Variants in SFMBT2 observed in about 807,000 individuals in gnomAD.
The protein encoded by SFMBT2 is scm-like with four MBT domains protein 2.
SFMBT2 carries 38 observed loss-of-function variants against 110.1 expected under a neutral mutation model. The observed-to-expected ratio is 0.35, with a 90% CI of 0.27 to 0.45. The LOEUF is 0.45. Ranked by LOEUF, SFMBT2 falls within the 20% of genes least tolerant of loss-of-function variation. SFMBT2 has a pLI of 1.00. For missense variants in SFMBT2, 1,011 were observed against 1,094.9 expected, an observed-to-expected ratio of 0.92 and a Z score of 1.08; for synonymous variants, 425 against 425.4, an observed-to-expected ratio of 1.00 and a Z score of 0.01.
At chr10:7,268,878 T>G (rs1332296630) in intron 7 of SFMBT2, among the ~76,000 whole-genome samples, 1 of 152,202 alleles carries the variant, frequency 6.6e-6, no homozygotes, top group Non-Finnish European at 1.5e-5. Context: ...TTCCAAAAGC[T>G]GAGACTCACC....
At chr10:7,277,991 T>C (rs1055937863) in intron 6 of SFMBT2, among the ~76,000 whole-genome samples, 1 of 152,216 alleles carries the variant, frequency 6.6e-6, no homozygotes, top group Non-Finnish European at 1.5e-5. Flanking sequence ...TCAGTCATAA[T>C]TACAGTAAGT....
intron 4 of SFMBT2, among the ~76,000 whole-genome samples, chr10:7,358,121 AT>A (rs74587007): frequency 0.52 from 76,655 of 148,714 alleles, 20,252 homozygotes; most frequent in East Asian, 0.73. Flanking sequence ...GCCCTAGAAC[AT>A]CTGCATGGCC....
chr10:7,268,122 G>A (rs548625140), intron 7 of SFMBT2, among the ~76,000 whole-genome samples: 5 of 152,256 alleles, frequency 3.3e-5, no homozygotes, highest in South Asian at 2.1e-4. Context: ...ATGGAGGCTC[G>A]TAAATGTCAG....
At chr10:7,279,252 T>A (rs1237320734) in intron 6 of SFMBT2, among the ~76,000 whole-genome samples, 1 of 152,130 alleles carries the variant, frequency 6.6e-6, no homozygotes, top group Non-Finnish European at 1.5e-5. Flanking sequence ...AAGTCATCCC[T>A]GAAAAATGAA....
intron 4 of SFMBT2, among the ~76,000 whole-genome samples, chr10:7,365,092 T>C (rs868120197): frequency 2.6e-4 from 40 of 152,204 alleles, no homozygotes; most frequent in Admixed American, 7.2e-4. Flanking sequence ...GTGAATCAGA[T>C]GTTACCAAAA....
intron 4 of SFMBT2, among the ~76,000 whole-genome samples, chr10:7,333,790 TTCTC>T (rs1259928767): frequency 6.7e-6 from 1 of 150,218 alleles, no homozygotes; most frequent in East Asian, 2.0e-4. Context: ...CCTCCCCGCT[TTCTC>T]TCTCCCCCAC....
chr10:7,282,633 A>C (rs577552185), intron 6 of SFMBT2, among the ~76,000 whole-genome samples: 1 of 152,360 alleles, frequency 6.6e-6, no homozygotes, highest in East Asian at 1.9e-4. Flanking sequence ...CTAATAAAAT[A>C]CCACATTACG....
intron 4 of SFMBT2, among the ~76,000 whole-genome samples, chr10:7,290,415 C>T (rs527945735): frequency 6.6e-6 from 1 of 152,234 alleles, no homozygotes; most frequent in African/African-American, 2.4e-5. Context: ...GTGCCCACAT[C>T]ACAGTGAAGG....
intron 20 of SFMBT2, among the ~76,000 whole-genome samples, chr10:7,165,028 G>T (rs1837660491): frequency 6.6e-6 from 1 of 152,058 alleles, no homozygotes; most frequent in South Asian, 2.1e-4. Context: ...TAGTAATCTG[G>T]TTCATTCACA....
intron 1 of SFMBT2, among the ~76,000 whole-genome samples, chr10:7,383,767 G>A (rs567403396): frequency 6.6e-6 from 1 of 152,264 alleles, no homozygotes; most frequent in South Asian, 2.1e-4. Flanking sequence ...TATGTTTTCT[G>A]AGACAAAAAT....
At chr10:7,193,835 G>A (rs867982921) in intron 15 of SFMBT2, among the ~76,000 whole-genome samples, 1 of 152,194 alleles carries the variant, frequency 6.6e-6, no homozygotes, top group Admixed American at 6.5e-5. Context: ...CGCAACAGCC[G>A]ACAAGACCCT....
intron 1 of SFMBT2, among the ~76,000 whole-genome samples, chr10:7,392,257 G>C (rs1194421284): frequency 2.6e-5 from 4 of 152,340 alleles, no homozygotes; most frequent in East Asian, 3.9e-4. Context: ...GCTCACGCCT[G>C]TAATCCCAAC....
intron 1 of SFMBT2, among the ~76,000 whole-genome samples, chr10:7,397,589 T>A (rs112766184): frequency 2.7e-4 from 41 of 152,194 alleles, no homozygotes; most frequent in African/African-American, 9.6e-4. Context: ...AATATTTCAA[T>A]CAAAATGGAA....
At chr10:7,383,487 A>G (rs1038079747) in intron 1 of SFMBT2, among the ~76,000 whole-genome samples, 3 of 152,254 alleles carry the variant, frequency 2.0e-5, no homozygotes, top group African/African-American at 2.4e-5. Context: ...TTCAAAGTGC[A>G]TTGAGCTATC....
chr10:7,229,544 G>A (rs1177765612), intron 9 of SFMBT2, among the ~76,000 whole-genome samples: 2 of 143,656 alleles, frequency 1.4e-5, no homozygotes, highest in African/African-American at 5.2e-5. Context: ...GCAGTGAGCC[G>A]AGATCTCCCC....
chr10:7,229,154 T>A (rs888788057), intron 9 of SFMBT2, among the ~76,000 whole-genome samples: 1 of 152,206 alleles, frequency 6.6e-6, no homozygotes, highest in African/African-American at 2.4e-5. Flanking sequence ...AGATTTCTTA[T>A]GTTTTTTTAT....
At chr10:7,224,577 G>A (rs1016334809) in intron 10 of SFMBT2, among the ~76,000 whole-genome samples, 4 of 152,032 alleles carry the variant, frequency 2.6e-5, no homozygotes, top group Non-Finnish European at 4.4e-5. Context: ...TATTCCCTTC[G>A]TCCAGTCTCC....
At position 7,297,683 on chromosome 10, in the gene SFMBT2, A is replaced by T. The variant is rs1842441355; in HGVS notation, c.437-11729T>A. Among the ~76,000 whole-genome samples the T allele has an allele frequency of 2.0e-5, 3 of 152,334 alleles. No homozygotes were observed. In the South Asian group the frequency reaches 6.2e-4, roughly 32 times the overall value. ...GAGATTTTCCTTAATGCTACATTTT[A>T]AAATTTTGAAACAAAAGCTAAACAG... On this transcript the variant is annotated intron_variant, in intron 4 of 20. Transcript: ENST00000397167.
chr10:7,273,729 T>C (rs1460240770), intron 7 of SFMBT2, among the ~76,000 whole-genome samples: 1 of 152,188 alleles, frequency 6.6e-6, no homozygotes, highest in African/African-American at 2.4e-5. Flanking sequence ...TGATTTTCTG[T>C]CCTTGCAATA....
Sources: gnomAD v4.1 joint callset for allele counts (sites outside exome capture counted in the v4.1 genomes callset) on GRCh38, gnomAD v4.1.1 for gene constraint, MANE v1.5 for transcripts, NCBI Gene and HGNC (gene_info 2026-07-23, HGNC 2026-07-21) for gene names.